The following MYLK4 variants were observed in gnomAD, a reference collection of about 807,000 sequenced individuals.
MYLK4 encodes caMLCK like.
MYLK4 carries 46 observed loss-of-function variants against 48.1 expected under a neutral mutation model. The ratio of observed to expected loss-of-function variants is 0.96; its 90% CI spans 0.75 to 1.22. The LOEUF (loss-of-function observed/expected upper bound fraction) is 1.22, where lower values mean the gene tolerates loss of function less well. MYLK4 is among the 50% of genes most tolerant of loss of function. The pLI, the probability that MYLK4 is intolerant of heterozygous loss-of-function variation, is 0.00. For missense variants in MYLK4, 451 were observed against 486.1 expected (o/e 0.93, Z 0.68); for synonymous variants, 170 against 180.8 (o/e 0.94, Z 0.48).
At chr6:2,740,052 G>A (rs987144741) in intron 2 of MYLK4, among the ~76,000 whole-genome samples, 78 of 152,330 alleles carry the variant, frequency 5.1e-4, no homozygotes, top group African/African-American at 1.8e-3. Flanking sequence ...GGTATAGCAG[G>A]ACAATCCTTC....
the MYLK4 span, among the ~76,000 whole-genome samples, chr6:2,765,137 C>T: frequency 6.7e-6 from 1 of 149,856 alleles, no homozygotes; most frequent in Non-Finnish European, 1.5e-5. Context: ...AGGGCTGCGT[C>T]CGCCACCGCG....
At chr6:2,759,164 G>A in the MYLK4 span, among the ~76,000 whole-genome samples, 1,542 of 152,290 alleles carry the variant, frequency 0.01, 25 homozygotes, top group African/African-American at 0.035. Context: ...CACCCAGGCT[G>A]GAGTGCTGTG....
intron 11 of MYLK4, among the ~76,000 whole-genome samples, chr6:2,671,897 C>A (rs529414908): frequency 1.3e-5 from 2 of 152,300 alleles, no homozygotes; most frequent in South Asian, 4.1e-4. Context: ...GCAGTGAAGA[C>A]GAGACTCAAA....
chr6:2,700,216 C>T (rs1291961333), intron 2 of MYLK4, among the ~76,000 whole-genome samples: 2 of 152,170 alleles, frequency 1.3e-5, no homozygotes, highest in Non-Finnish European at 2.9e-5. Flanking sequence ...GCCCCACCAC[C>T]CCACCTGTTT....
intron 2 of MYLK4, chr6:2,744,169 T>C (rs1007780294): frequency 2.5e-6 from 1 of 397,066 alleles, no homozygotes; most frequent in Non-Finnish European, 4.4e-6. Context: ...TACAGAGGGT[T>C]CTTGCAGAGT....
chr6:2,745,187 T>G (rs1764038862), intron 2 of MYLK4, among the ~76,000 whole-genome samples: 2 of 152,144 alleles, frequency 1.3e-5, no homozygotes, highest in African/African-American at 2.4e-5. Flanking sequence ...CATTTGTGTT[T>G]CATTAAGCAA....
chr6:2,711,599 G>A lies in MYLK4; in HGVS notation c.160-18740C>T, dbSNP rs183016980. ...AGGAGGACAATTTTCTGTTTATCCT[G>A]CATGAGCTTTGCTATGGGGTGTCAG... On this transcript the variant is annotated intron_variant, in intron 2 of 12. Transcript: ENST00000274643. Among the ~76,000 whole-genome samples, 274 of 152,284 alleles carry A rather than the reference G, an allele frequency of 1.8e-3. 1 individual carries two copies. Among genetic ancestry groups the A allele is most frequent in the African/African-American group, 6.2e-3 (258 of 41,568 alleles).
At chr6:2,715,943 G>A (rs1374520373) in intron 2 of MYLK4, among the ~76,000 whole-genome samples, 2 of 152,186 alleles carry the variant, frequency 1.3e-5, no homozygotes, top group Admixed American at 6.5e-5. Context: ...CTCGTGCACT[G>A]CCACCACCCA....
At chr6:2,765,538 G>A in the MYLK4 span, 7 of 1,325,966 alleles carry the variant, frequency 5.3e-6, no homozygotes, top group Admixed American at 1.3e-4. Context: ...CTCGCGGCGC[G>A]GGGCCTAGCG....
the MYLK4 span, chr6:2,766,127 G>A: frequency 7.5e-7 from 1 of 1,325,172 alleles, no homozygotes; most frequent in Non-Finnish European, 9.6e-7. Flanking sequence ...GGAGGAGGCC[G>A]TGGGCGACGG....
Position 2,749,376 on chromosome 6 carries a change from A to G in MYLK4, c.-82T>C, listed in dbSNP as rs1319951047. 6 of 1,112,348 alleles carry G rather than the reference A, an allele frequency of 5.4e-6. No homozygotes were observed. The highest frequency in any genetic ancestry group is 2.1e-5 in the Admixed American group (1 of 47,060). 68.9% of individuals were successfully genotyped at this position (1,112,348 alleles called of 1,614,324 possible). On this transcript the variant is annotated 5_prime_UTR_variant, in exon 2 of 13. Transcript: ENST00000274643. ...TCTCCGATTTATAAATCAGGACACA[A>G]TTATGACTCTTCAGTGCTTCTTTCT...
the MYLK4 span, among the ~76,000 whole-genome samples, chr6:2,764,986 C>CT: frequency 6.6e-6 from 1 of 152,216 alleles, no homozygotes; most frequent in Admixed American, 6.5e-5. Flanking sequence ...AAACGACCCG[C>CT]TGCGGCCGCC....
chr6:2,739,328 A>T (rs1164498927), intron 2 of MYLK4, among the ~76,000 whole-genome samples: 1 of 152,210 alleles, frequency 6.6e-6, no homozygotes, highest in Non-Finnish European at 1.5e-5. Flanking sequence ...GAATCTAGGC[A>T]TAAATATTTA....
chr6:2,694,783 G>A (rs939069946), intron 2 of MYLK4, among the ~76,000 whole-genome samples: 4 of 151,962 alleles, frequency 2.6e-5, no homozygotes, highest in Non-Finnish European at 4.4e-5. Flanking sequence ...TAGCCCCATC[G>A]TACAAATGAA....
the MYLK4 span, among the ~76,000 whole-genome samples, chr6:2,757,342 T>C: frequency 6.6e-6 from 1 of 152,262 alleles, no homozygotes; most frequent in East Asian, 1.9e-4. Flanking sequence ...GAAAACATCT[T>C]CAGTGTGAAT....
At chr6:2,668,750 G>C (rs1455008381) in intron 12 of MYLK4, among the ~76,000 whole-genome samples, 2 of 151,958 alleles carry the variant, frequency 1.3e-5, no homozygotes, top group Non-Finnish European at 2.9e-5. Flanking sequence ...CTTATGTTAA[G>C]TTTTATTTAT....
chr6:2,688,749 C>T, intron 4 of MYLK4, 102 bp downstream of exon 4: 6 of 900,600 alleles, frequency 6.7e-6, no homozygotes, highest in Non-Finnish European at 3.5e-6. Context: ...ATGTTTGTTT[C>T]TAATGTTTCT....
intron 10 of MYLK4, among the ~76,000 whole-genome samples, 190 bp downstream of exon 10, chr6:2,678,030 T>C (rs2113106552): frequency 6.6e-6 from 1 of 152,322 alleles, no homozygotes; most frequent in South Asian, 2.1e-4. Context: ...GAAAGGTTTG[T>C]GTAGCTTCAT....
At chr6:2,732,709 G>T (rs559115198) in intron 2 of MYLK4, among the ~76,000 whole-genome samples, 1 of 151,740 alleles carries the variant, frequency 6.6e-6, no homozygotes, top group Non-Finnish European at 1.5e-5. Flanking sequence ...CAACATCCTG[G>T]GTGGTTGCTG....
Sources: allele counts gnomAD v4.1 joint callset (sites outside exome capture counted in the v4.1 genomes callset), GRCh38; gene constraint gnomAD v4.1.1; transcripts MANE v1.5; gene names NCBI Gene and HGNC (gene_info 2026-07-23, HGNC 2026-07-21).